Variants in DACH2 observed in about 807,000 individuals in gnomAD.
The protein encoded by DACH2 is dachshund family transcription factor 2.
A neutral mutation model predicts 35.8 loss-of-function variants in DACH2; 17 were observed. That is an observed-to-expected ratio of 0.48 (90% CI 0.33 to 0.71). The LOEUF (loss-of-function observed/expected upper bound fraction) is 0.71. Among genes scored for constraint, DACH2 ranks in the 30% least tolerant of loss-of-function variants. DACH2 has a pLI of 0.02. For missense variants in DACH2, 469 were observed against 472.7 expected, an observed-to-expected ratio of 0.99 and a Z score of 0.07; for synonymous variants, 195 against 177.3, an observed-to-expected ratio of 1.10 and a Z score of -0.79.
chrX:86,242,296 T>C (rs2033182450), intron 1 of DACH2, among the ~76,000 whole-genome samples: 1 of 112,596 alleles, frequency 8.9e-6, no homozygotes, highest in African/African-American at 3.2e-5. Context: ...CTTGCATCAC[T>C]GTGTCCTGTA....
At chrX:86,743,484 C>G (rs1407118290) in intron 7 of DACH2, among the ~76,000 whole-genome samples, 1 of 111,312 alleles carries the variant, frequency 9.0e-6, no homozygotes, top group Non-Finnish European at 1.9e-5. Context: ...TGTAATTTAT[C>G]AGATCATCAG....
rs2042411669 is a variant in DACH2 at position 86,813,202 on chromosome X, C to T, written c.1462C>T (p.Arg488Ter). The change falls in exon 9 of 12, where the codon CGA becomes TGA. Residue 488 changes from arginine to a stop codon, truncating the protein, a stop_gained. Coordinates refer to ENST00000373125, the MANE Select transcript of DACH2 (RefSeq NM_053281.3). LOFTEE classifies it high-confidence loss of function. ...KQIQQEKKEL[R>*]LELYREREIR... Reference sequence around the variant, plus strand: ...GATTCAACAAGAAAAGAAGGAGCTGCGACTGGAGCTCTATAGAGAGAGAGA... The same window carrying T: ...GATTCAACAAGAAAAGAAGGAGCTGTGACTGGAGCTCTATAGAGAGAGAGA... 1 of 1,205,645 alleles carries T rather than the reference C, an allele frequency of 8.3e-7. No individual in the cohort carries two copies. The highest frequency in any genetic ancestry group is 1.1e-6 in the Non-Finnish European group (1 of 892,563).
At chrX:86,831,373 C>T (rs1256468128) in intron 11 of DACH2, 2 of 111,287 alleles carry the variant, frequency 1.8e-5, no homozygotes, top group Non-Finnish European at 3.8e-5. Context: ...CGGATTCATC[C>T]ACATTTCTTT....
intron 1 of DACH2, among the ~76,000 whole-genome samples, chrX:86,175,215 G>A (rs935621461): frequency 1.2e-4 from 14 of 112,006 alleles, no homozygotes; most frequent in Non-Finnish European, 2.4e-4. Flanking sequence ...AAGAGGAAAA[G>A]TAAGAGAGAA....
intron 2 of DACH2, among the ~76,000 whole-genome samples, chrX:86,500,785 A>G (rs1195924320): frequency 8.9e-6 from 1 of 112,105 alleles, no homozygotes; most frequent in Non-Finnish European, 1.9e-5. Context: ...TGACCATACT[A>G]TTTATCCTTA....
intron 7 of DACH2, among the ~76,000 whole-genome samples, chrX:86,812,197 C>CA (rs1016435338): frequency 1.8e-5 from 2 of 110,642 alleles, no homozygotes; most frequent in Non-Finnish European, 3.8e-5. Context: ...AAGCCAGGCA[C>CA]AAAAAAACCA....
In DACH2 at chrX:86,302,597, A is replaced by G. The variant is rs1428364003; in HGVS notation, c.489-74227A>G. ...GTACCCAAGTCAGAAAGTTTACCCA[A>G]GTCTCTGCCAGGACCATAGATTTAA... is the stretch of plus-strand genomic sequence containing the variant. On this transcript the variant is annotated intron_variant, in intron 1 of 11. Coordinates refer to ENST00000373125, the MANE Select transcript of DACH2 (RefSeq NM_053281.3). 2.7e-5 allele frequency among the ~76,000 whole-genome samples: 3 copies of G among 111,341 alleles called. No individual in the cohort carries two copies. The East Asian group carries it at 8.4e-4, about 31-fold the overall frequency.
chrX:86,637,185 G>T, intron 3 of DACH2, among the ~76,000 whole-genome samples: 1 of 52,785 alleles, frequency 1.9e-5, no homozygotes, highest in Admixed American at 3.1e-4. Flanking sequence ...GCATGAGTCA[G>T]AATGGCTATT....
In DACH2 at chrX:86,294,640, A is replaced by T. The variant is rs375885611; in HGVS notation, c.489-82184A>T. ...TTTCTGTTTGTTAGTTTTCCTTCTA[A>T]CAGACAGGGCCCTCATCTGCAGGTC... On this transcript the variant is annotated intron_variant, in intron 1 of 11. Transcript: ENST00000373125. Among the ~76,000 whole-genome samples, 1,044 of 108,790 alleles carry T rather than the reference A, an allele frequency of 9.6e-3. 9 individuals are homozygous for T. Among genetic ancestry groups the T allele is most frequent in the African/African-American group, 0.03 (890 of 29,857 alleles). The allele number at this position is 108,790 out of a possible 115,157, so 94.5% of individuals were successfully genotyped here.
chrX:86,662,847 C>T (rs927823298), intron 4 of DACH2, among the ~76,000 whole-genome samples: 1 of 110,896 alleles, frequency 9.0e-6, no homozygotes, highest in Admixed American at 9.6e-5. Flanking sequence ...TAAATAAGAC[C>T]CCTTTCAAAG....
rs188079544 is a variant in DACH2 at position 86,564,786 on chromosome X, C to G, written c.640+50395C>G. Among the ~76,000 whole-genome samples the G allele has an allele frequency of 2.7e-5, 3 of 111,671 alleles. No homozygotes were observed. The East Asian group carries it at 8.6e-4, about 32-fold the overall frequency. ...CTGCATTTAATTGTTCCACCTACTT[C>G]TAGAAAGCAGGTGTGGCATGTGAAA... On this transcript the variant is annotated intron_variant, in intron 3 of 11. Coordinates refer to ENST00000373125, the MANE Select transcript of DACH2 (RefSeq NM_053281.3).
In DACH2 at chrX:86,148,943, C is replaced by T; in HGVS notation, c.323C>T (p.Thr108Ile). 1 of 1,211,206 alleles carries T rather than the reference C, an allele frequency of 8.3e-7. No individual in the cohort carries two copies. Residue 108 changes from threonine to isoleucine, a missense_variant, in exon 1 of 12, where the codon ACT becomes ATT. Thr to Ile is a moderately conservative substitution (Grantham distance 89). This residue lies in a region of DACH2 where 99 missense variants were observed against 114.3 expected (regional missense o/e 0.87). Transcript: ENST00000373125. Reference protein sequence around the residue: ...FLKHLVGGLHTVYTKLKRLDI... With the variant: ...FLKHLVGGLHIVYTKLKRLDI... ...AAGCACCTGGTGGGAGGCTTGCACA[C>T]TGTGTACACCAAGCTGAAGAGACTG...
chrX:86,395,393 T>C (rs1464964403), intron 2 of DACH2, among the ~76,000 whole-genome samples: 1 of 111,102 alleles, frequency 9.0e-6, no homozygotes, highest in Non-Finnish European at 1.9e-5. Flanking sequence ...ATTTTTATTT[T>C]ATTATTATTA....
At chrX:86,264,047 A>C (rs992975979) in intron 1 of DACH2, among the ~76,000 whole-genome samples, 1 of 111,963 alleles carries the variant, frequency 8.9e-6, no homozygotes, top group African/African-American at 3.2e-5. Flanking sequence ...TAAAAACCTA[A>C]GGAATCTTCT....
intron 1 of DACH2, among the ~76,000 whole-genome samples, chrX:86,309,480 T>C (rs1382418002): frequency 1.3e-5 from 1 of 79,432 alleles, no homozygotes; most frequent in African/African-American, 7.4e-5. Flanking sequence ...TCTCCGTCTT[T>C]GTCATAATAT....
chrX:86,375,784 A>C (rs1471223703), intron 1 of DACH2, among the ~76,000 whole-genome samples: 1 of 109,718 alleles, frequency 9.1e-6, no homozygotes, highest in Non-Finnish European at 1.9e-5. Context: ...GCAGAGAAAC[A>C]GTTGCTTTTC....
chrX:86,528,726 G>A (rs1331014271), intron 3 of DACH2, among the ~76,000 whole-genome samples: 1 of 112,190 alleles, frequency 8.9e-6, no homozygotes, highest in Non-Finnish European at 1.9e-5. Flanking sequence ...TATTTTCACA[G>A]TGTAACCACT....
chrX:86,396,771 A>G (rs1165664344), intron 2 of DACH2, among the ~76,000 whole-genome samples: 1 of 111,035 alleles, frequency 9.0e-6, no homozygotes, highest in Non-Finnish European at 1.9e-5. Flanking sequence ...TACCAGTACC[A>G]TACTGTTTTG....
intron 7 of DACH2, among the ~76,000 whole-genome samples, chrX:86,762,386 A>G (rs565836196): frequency 9.0e-6 from 1 of 111,553 alleles, no homozygotes; most frequent in South Asian, 3.8e-4. Flanking sequence ...AATTCTTATA[A>G]TCTTCTGCTC....
Sources: gnomAD v4.1 joint callset for allele counts (sites outside exome capture counted in the v4.1 genomes callset) on GRCh38, gnomAD v4.1.1 for gene constraint, gnomAD v4.1.1 regional missense constraint, MANE v1.5 for transcripts, NCBI Gene and HGNC (gene_info 2026-07-23, HGNC 2026-07-21) for gene names.